Variants in SEMA6D observed in about 807,000 individuals in gnomAD.
SEMA6D encodes the protein semaphorin 6D.
SEMA6D carries 35 observed loss-of-function variants against 106.6 expected under a neutral mutation model. The observed-to-expected ratio is 0.33, with a 90% confidence interval of 0.25 to 0.44. The LOEUF (loss-of-function observed/expected upper bound fraction) is 0.44, where lower values mean the gene tolerates loss of function less well. Ranked by LOEUF, SEMA6D falls within the 20% of genes least tolerant of loss-of-function variation. SEMA6D has a pLI of 1.00. For synonymous variants in SEMA6D, 499 were observed against 487.7 expected (o/e 1.02, Z -0.31); for missense variants, 1,185 against 1,345.9 (o/e 0.88, Z 1.87).
At chr15:47,415,685 T>C (rs1016663346) in intron 2 of SEMA6D, among the ~76,000 whole-genome samples, 13 of 152,222 alleles carry the variant, frequency 8.5e-5, no homozygotes, top group African/African-American at 2.9e-4. Flanking sequence ...GTTTACTCTC[T>C]GACTCTGTTT....
chr15:47,288,827 C>T (rs989876315), intron 1 of SEMA6D, among the ~76,000 whole-genome samples: 1 of 152,200 alleles, frequency 6.6e-6, no homozygotes, highest in Admixed American at 6.5e-5. Context: ...ACAGCCCACA[C>T]TCTTACTTAG....
At chr15:47,383,400 A>G (rs944998320) in intron 1 of SEMA6D, among the ~76,000 whole-genome samples, 4 of 152,182 alleles carry the variant, frequency 2.6e-5, no homozygotes, top group African/African-American at 9.7e-5. Context: ...GAAGATGGGC[A>G]CAAGCACTAT....
intron 1 of SEMA6D, among the ~76,000 whole-genome samples, chr15:47,348,688 C>G (rs1433351131): frequency 2.4e-5 from 1 of 41,664 alleles, no homozygotes; most frequent in Non-Finnish European, 6.4e-5. Context: ...CACACACACA[C>G]ACACACACAC....
chr15:47,274,060 G>A (rs2034687131), intron 1 of SEMA6D: 1 of 152,114 alleles, frequency 6.6e-6, no homozygotes, highest in Non-Finnish European at 1.5e-5. Context: ...ATGCTGAGCA[G>A]CCCACAAAGC....
intron 3 of SEMA6D, among the ~76,000 whole-genome samples, chr15:47,493,429 A>G (rs937129520): frequency 1.3e-5 from 2 of 152,182 alleles, no homozygotes; most frequent in African/African-American, 4.8e-5. Context: ...AACTTGCTCT[A>G]TCACAATATC....
intron 1 of SEMA6D, among the ~76,000 whole-genome samples, chr15:47,226,633 G>A (rs1458635196): frequency 6.6e-6 from 1 of 152,108 alleles, no homozygotes; most frequent in African/African-American, 2.4e-5. Flanking sequence ...TTTCTGTATA[G>A]ACACTGATTG....
intron 3 of SEMA6D, among the ~76,000 whole-genome samples, chr15:47,579,299 G>A (rs942895978): frequency 5.3e-5 from 8 of 151,886 alleles, no homozygotes; most frequent in African/African-American, 1.2e-4. Context: ...CTACCACCAC[G>A]CCCAGCTAAT....
intron 11 of SEMA6D, 88 bp downstream of exon 11, chr15:47,764,393 C>T: frequency 6.8e-7 from 1 of 1,470,956 alleles, no homozygotes; most frequent in South Asian, 1.4e-5. Flanking sequence ...GCTTGGCCAA[C>T]CTCCCACACC....
In SEMA6D at chr15:47,325,863, A is replaced by G. The variant is rs534687501; in HGVS notation, c.-238-86530A>G. On this transcript the variant is annotated intron_variant, in intron 1 of 19. Coordinates refer to the SEMA6D transcript ENST00000558014. ...TCTGGAGTTAAAAAATAAAATTTAA[A>G]TGCTCATAAGAGATATAAATTTGTT... is the stretch of plus-strand genomic sequence containing the variant. Among the ~76,000 whole-genome samples the G allele has an allele frequency of 7.9e-5, 12 of 152,322 alleles. No homozygotes were observed. The South Asian group carries it at 2.5e-3, about 32-fold the overall frequency.
At chr15:47,415,595 A>G (rs894981423) in intron 2 of SEMA6D, among the ~76,000 whole-genome samples, 1 of 151,912 alleles carries the variant, frequency 6.6e-6, no homozygotes, top group South Asian at 2.1e-4. Context: ...TTTTTTAGCT[A>G]TTGACCCACA....
At chr15:47,513,705 C>T (rs1458323646) in intron 3 of SEMA6D, among the ~76,000 whole-genome samples, 7 of 152,126 alleles carry the variant, frequency 4.6e-5, no homozygotes, top group Admixed American at 3.9e-4. Flanking sequence ...CGATAATGTG[C>T]GTGTGTCTGT....
intron 3 of SEMA6D, among the ~76,000 whole-genome samples, chr15:47,503,700 C>CACACACAT (rs965485506): frequency 2.0e-5 from 3 of 151,944 alleles, no homozygotes; most frequent in African/African-American, 7.3e-5. Context: ...CACACACACA[C>CACACACAT]ACACACACAC....
At chr15:47,522,067 G>A (rs2044601211) in intron 3 of SEMA6D, among the ~76,000 whole-genome samples, 1 of 151,786 alleles carries the variant, frequency 6.6e-6, no homozygotes, top group Admixed American at 6.6e-5. Context: ...CAATCTGATT[G>A]TACTTGACCA....
intron 1 of SEMA6D, among the ~76,000 whole-genome samples, chr15:47,373,462 T>A (rs1226835512): frequency 6.6e-6 from 1 of 152,146 alleles, no homozygotes; most frequent in Non-Finnish European, 1.5e-5. Context: ...AGTTTCTTGT[T>A]TAAGAGGGAG....
chr15:47,506,328 G>A (rs1403142303), intron 3 of SEMA6D, among the ~76,000 whole-genome samples: 4 of 152,066 alleles, frequency 2.6e-5, no homozygotes, highest in African/African-American at 7.2e-5. Context: ...ATCAAGTAAC[G>A]TGTCTTCATG....
At chr15:47,494,163 C>T (rs767564987) in intron 3 of SEMA6D, among the ~76,000 whole-genome samples, 2 of 152,078 alleles carry the variant, frequency 1.3e-5, no homozygotes, top group Non-Finnish European at 2.9e-5. Flanking sequence ...ATTACTGTGG[C>T]CTAAACATCA....
At chr15:47,311,413 A>G (rs1156319857) in intron 1 of SEMA6D, among the ~76,000 whole-genome samples, 2 of 152,126 alleles carry the variant, frequency 1.3e-5, no homozygotes, top group Admixed American at 6.6e-5. Context: ...TGATTCTTGA[A>G]TATAATCTAC....
intron 1 of SEMA6D, among the ~76,000 whole-genome samples, chr15:47,270,354 T>C (rs1423251097): frequency 6.6e-6 from 1 of 151,830 alleles, no homozygotes; most frequent in East Asian, 1.9e-4. Context: ...ACACTATTGC[T>C]AGTAATTGCT....
At position 47,605,724 on chromosome 15, in the gene SEMA6D, G is replaced by C. The variant is rs60192165; in HGVS notation, c.-55+4828G>C. On this transcript the variant is annotated intron_variant, in intron 4 of 19. Coordinates refer to the SEMA6D transcript ENST00000558014. ...TTGCTATTACAGGTTTATTATAAAG[G>C]ATACAATTCAGGAACAGCCAAATGG... Among the ~76,000 whole-genome samples the C allele has an allele frequency of 2.6e-3, 399 of 152,244 alleles. 1 individual carries two copies. Among genetic ancestry groups the C allele is most frequent in the African/African-American group, 8.0e-3 (333 of 41,548 alleles).
Sources: allele counts gnomAD v4.1 joint callset (sites outside exome capture counted in the v4.1 genomes callset), GRCh38; gene constraint gnomAD v4.1.1; transcripts MANE v1.5; gene names NCBI Gene and HGNC (gene_info 2026-07-23, HGNC 2026-07-21).